The following FOXP2 variants were observed in gnomAD, a reference collection of about 807,000 sequenced individuals.
FOXP2 encodes the protein forkhead box protein P2.
Under a neutral mutation model 115.8 loss-of-function variants are expected in FOXP2, and 12 were observed. The ratio of observed to expected loss-of-function variants is 0.10; its 90% CI spans 0.07 to 0.17. FOXP2 has a LOEUF of 0.17. Ranked by LOEUF, FOXP2 falls within the 10% of genes least tolerant of loss-of-function variation. The pLI is 1.00. For missense variants in FOXP2, 629 were observed against 843.5 expected (o/e 0.75, Z 3.15); for synonymous variants, 328 against 297.7 (o/e 1.10, Z -1.05).
At chr7:114,635,297 A>C (rs1044705968) in intron 6 of FOXP2, among the ~76,000 whole-genome samples, 1 of 152,160 alleles carries the variant, frequency 6.6e-6, no homozygotes, top group East Asian at 1.9e-4. Flanking sequence ...TTAATCAATG[A>C]TCTTGTGATT....
chr7:114,271,798 T>G (rs1194548106), intron 1 of FOXP2, among the ~76,000 whole-genome samples: 1 of 119,532 alleles, frequency 8.4e-6, no homozygotes, highest in East Asian at 2.2e-4. Context: ...GTATGTCATA[T>G]TATTTATATT....
rs559981001 is a variant in FOXP2, at chr7:114,547,427, G to C, written c.258+12721G>C. Among the ~76,000 whole-genome samples the C allele has an allele frequency of 9.9e-5, 15 of 152,198 alleles. 1 individual carries two copies. The South Asian group carries it at 1.5e-3, about 15-fold the overall frequency. On this transcript the variant is annotated intron_variant, in intron 3 of 16. Transcript: ENST00000350908. ...TCAATGATACTTTCACTAGGGAACC[G>C]GAAGTGAGATACCTGCTTGAGAAAA... is the stretch of plus-strand genomic sequence containing the variant.
intron 2 of FOXP2, among the ~76,000 whole-genome samples, chr7:114,454,346 G>A (rs374434041): frequency 3.0e-4 from 46 of 152,132 alleles, no homozygotes; most frequent in East Asian, 7.7e-4. Context: ...TTAGAATGGC[G>A]ATCATTAAAA....
intron 2 of FOXP2, among the ~76,000 whole-genome samples, chr7:114,492,472 CT>C (rs1420740220): frequency 6.6e-6 from 1 of 152,040 alleles, no homozygotes; most frequent in Non-Finnish European, 1.5e-5. Flanking sequence ...TGTGTTTGCT[CT>C]TGCTTCTCTA....
intron 1 of FOXP2, among the ~76,000 whole-genome samples, chr7:114,184,916 G>A (rs937102790): frequency 1.3e-5 from 2 of 152,124 alleles, no homozygotes; most frequent in African/African-American, 4.8e-5. Context: ...TCATAGCTAG[G>A]AGGTTAAAAT....
At chr7:114,465,443 A>G (rs556912541) in intron 2 of FOXP2, among the ~76,000 whole-genome samples, 1 of 152,206 alleles carries the variant, frequency 6.6e-6, no homozygotes, top group Non-Finnish European at 1.5e-5. Context: ...ATAGAAACTT[A>G]TTAGAGTGAT....
chr7:114,282,286 G>A (rs1225120632), intron 1 of FOXP2, among the ~76,000 whole-genome samples: 1 of 151,966 alleles, frequency 6.6e-6, no homozygotes, highest in Non-Finnish European at 1.5e-5. Context: ...GTTTTATTAA[G>A]GTATAGTTTA....
At chr7:114,465,546 A>G (rs912307103) in intron 2 of FOXP2, among the ~76,000 whole-genome samples, 2 of 152,202 alleles carry the variant, frequency 1.3e-5, no homozygotes, top group Non-Finnish European at 2.9e-5. Context: ...TTAAAGAAAA[A>G]TGTTTCAACA....
At chr7:114,399,841 A>C (rs1199138839) in intron 2 of FOXP2, among the ~76,000 whole-genome samples, 1 of 151,062 alleles carries the variant, frequency 6.6e-6, no homozygotes, top group Admixed American at 6.6e-5. Context: ...TGTCAAAATC[A>C]TCATTTTCTT....
In FOXP2 at chr7:114,593,532, AT is replaced by A. The variant is rs369152656; in HGVS notation, c.259-35005del. 5.3e-3 allele frequency among the ~76,000 whole-genome samples: 802 copies of A among 152,132 alleles called. 4 individuals carry two copies. Among genetic ancestry groups the A allele is most frequent in the South Asian group, 0.023 (113 of 4,828 alleles). On this transcript the variant is annotated intron_variant, in intron 3 of 16. Coordinates refer to ENST00000350908, the MANE Select transcript of FOXP2 (RefSeq NM_014491.4). ...ATCAATGATAAAAATCATTATTTTA[AT>A]TTGCATTTTCTTGATTATTAAAGAA...
intron 2 of FOXP2, among the ~76,000 whole-genome samples, chr7:114,480,733 A>G (rs1320532582): frequency 6.0e-5 from 9 of 150,618 alleles, no homozygotes; most frequent in Admixed American, 6.6e-5. Flanking sequence ...ATATACACGT[A>G]TATATGTGTA....
At chr7:114,499,402 T>G (rs974664598) in intron 2 of FOXP2, 1 of 152,524 alleles carries the variant, frequency 6.6e-6, no homozygotes, top group Non-Finnish European at 1.5e-5. Context: ...TAAAAATACT[T>G]AATTGGCTAC....
At chr7:114,457,869 G>GC (rs1466205625) in intron 2 of FOXP2, among the ~76,000 whole-genome samples, 1 of 148,810 alleles carries the variant, frequency 6.7e-6, no homozygotes, top group Non-Finnish European at 1.5e-5. Context: ...CTGTACTCCA[G>GC]CTGGGCGACA....
At chr7:114,676,209 G>A (rs370784584) in intron 16 of FOXP2, among the ~76,000 whole-genome samples, 3 of 151,502 alleles carry the variant, frequency 2.0e-5, no homozygotes, top group East Asian at 1.9e-4. Context: ...GATTATAGGC[G>A]TGAGCCACTG....
chr7:114,101,958 G>T (rs1393341226), intron 1 of FOXP2, among the ~76,000 whole-genome samples: 3 of 149,008 alleles, frequency 2.0e-5, no homozygotes, highest in Non-Finnish European at 4.5e-5. Flanking sequence ...GCAAAAGCAG[G>T]ATTCAAGTTC....
chr7:114,343,449 G>C (rs2129184631), intron 2 of FOXP2, among the ~76,000 whole-genome samples: 1 of 151,670 alleles, frequency 6.6e-6, no homozygotes, highest in South Asian at 2.1e-4. Flanking sequence ...AAAGTGAATT[G>C]GTGAAGAAAG....
At chr7:114,500,496 G>T (rs760316861) in intron 2 of FOXP2, among the ~76,000 whole-genome samples, 1 of 151,886 alleles carries the variant, frequency 6.6e-6, no homozygotes, top group Admixed American at 6.6e-5. Context: ...TTTAGATTAT[G>T]TATTCTTCAT....
intron 1 of FOXP2, among the ~76,000 whole-genome samples, chr7:114,245,679 C>T (rs1473330381): frequency 2.0e-5 from 3 of 152,098 alleles, no homozygotes; most frequent in African/African-American, 7.2e-5. Flanking sequence ...ATTCATAGAG[C>T]TGAAGATGCC....
At chr7:114,241,321 A>G (rs1795145887) in intron 1 of FOXP2, among the ~76,000 whole-genome samples, 1 of 152,060 alleles carries the variant, frequency 6.6e-6, no homozygotes, top group Admixed American at 6.6e-5. Context: ...ATCTACTGTA[A>G]GTATGCTAGG....
Sources: gnomAD v4.1 joint callset for allele counts (sites outside exome capture counted in the v4.1 genomes callset) on GRCh38, gnomAD v4.1.1 for gene constraint, MANE v1.5 for transcripts, NCBI Gene and HGNC (gene_info 2026-07-23, HGNC 2026-07-21) for gene names.